The following SLC8A3 variants were observed in gnomAD, a reference collection of about 807,000 sequenced individuals.
SLC8A3 encodes sodium/calcium exchanger 3.
SLC8A3 carries 37 observed loss-of-function variants against 65.4 expected under a neutral mutation model. That is an observed-to-expected ratio of 0.57 (90% CI 0.44 to 0.74). The LOEUF (loss-of-function observed/expected upper bound fraction) is 0.74. Among genes scored for constraint, SLC8A3 ranks in the 30% least tolerant of loss-of-function variants. The pLI, the probability that SLC8A3 is intolerant of heterozygous loss-of-function variation, is 0.00. For synonymous variants in SLC8A3, 461 were observed against 444.5 expected, an observed-to-expected ratio of 1.04 and a Z score of -0.47; for missense variants, 1,112 against 1,172.1, an observed-to-expected ratio of 0.95 and a Z score of 0.75.
chr14:70,151,270 A>T (rs1406879044), intron 2 of SLC8A3, among the ~76,000 whole-genome samples: 1 of 152,160 alleles, frequency 6.6e-6, no homozygotes, highest in Non-Finnish European at 1.5e-5. Context: ...AGAAAAAAAA[A>T]AAAAAAGAAC....
intron 2 of SLC8A3, among the ~76,000 whole-genome samples, chr14:70,122,747 C>G (rs1894161913): frequency 6.6e-6 from 1 of 152,068 alleles, no homozygotes; most frequent in Non-Finnish European, 1.5e-5. Context: ...CTCATAAGAA[C>G]CTGTGATTTC....
chr14:70,084,664 G>T (rs971318490), intron 2 of SLC8A3, among the ~76,000 whole-genome samples: 1 of 152,192 alleles, frequency 6.6e-6, no homozygotes, highest in South Asian at 2.1e-4. Flanking sequence ...TAAGAGAAGG[G>T]AAAATTGAAT....
chr14:70,100,271 C>T (rs1040050297), intron 2 of SLC8A3, among the ~76,000 whole-genome samples: 1 of 152,176 alleles, frequency 6.6e-6, no homozygotes, highest in African/African-American at 2.4e-5. Context: ...TGTGGTCAGA[C>T]ATTCAGATGG....
chr14:70,152,349 A>G (rs779153786), intron 2 of SLC8A3, among the ~76,000 whole-genome samples: 5 of 152,182 alleles, frequency 3.3e-5, no homozygotes, highest in Non-Finnish European at 5.9e-5. Context: ...AGAAATCTTA[A>G]CCAGAGAAAT....
intron 2 of SLC8A3, among the ~76,000 whole-genome samples, chr14:70,097,196 A>G (rs796838657): frequency 6.6e-5 from 10 of 152,202 alleles, no homozygotes; most frequent in African/African-American, 2.4e-4. Context: ...AAGAAGGGCA[A>G]TGCAACAGAG....
chr14:70,161,699 T>A (rs1046043007), intron 2 of SLC8A3, among the ~76,000 whole-genome samples: 23 of 152,148 alleles, frequency 1.5e-4, no homozygotes, highest in African/African-American at 7.2e-5. Flanking sequence ...AGGCAAATCA[T>A]CTCCCTCTGT....
At chr14:70,071,826 G>T (rs1890040285) in intron 2 of SLC8A3, among the ~76,000 whole-genome samples, 1 of 152,192 alleles carries the variant, frequency 6.6e-6, no homozygotes, top group African/African-American at 2.4e-5. Flanking sequence ...TTTTATGGAG[G>T]CAGGAACCTG....
intron 3 of SLC8A3, chr14:70,059,322 A>C (rs1375092511): frequency 1.3e-5 from 2 of 152,194 alleles, no homozygotes; most frequent in African/African-American, 2.4e-5. Context: ...TCGTGTGGAA[A>C]GTTTTATGCT....
chr14:70,178,115 C>T (rs1415247976), intron 1 of SLC8A3, among the ~76,000 whole-genome samples: 1 of 152,198 alleles, frequency 6.6e-6, no homozygotes, highest in Non-Finnish European at 1.5e-5. Flanking sequence ...CCTCCACTGG[C>T]CCTGCAAAGT....
In SLC8A3 at chr14:70,168,159, G is replaced by A. The variant is rs778645024; in HGVS notation, c.264C>T (p.Phe88=). 1.9e-6 allele frequency: 3 copies of A among 1,613,996 alleles called. No individual in the cohort carries two copies. Among genetic ancestry groups the A allele is most frequent in the Middle Eastern group, 1.6e-4 (1 of 6,082 alleles). The stretch of plus-strand genomic sequence containing the variant: ...GGTCAGCAATGATGGACACCCCAAG[G>A]AACATGTATATCAGGGCCACAAAAT... ...IVYFVALIYM[F]LGVSIIADRF... Residue 88 remains phenylalanine (F), a synonymous_variant, in exon 2 of 7, where the codon TTC becomes TTT. Transcript: ENST00000356921.
chr14:70,087,352 A>G (rs1891509483), intron 2 of SLC8A3, among the ~76,000 whole-genome samples: 1 of 152,218 alleles, frequency 6.6e-6, no homozygotes, highest in African/African-American at 2.4e-5. Flanking sequence ...ACTTCCATTT[A>G]TCTTCTCAAA....
intron 2 of SLC8A3, among the ~76,000 whole-genome samples, chr14:70,099,141 C>A (rs1003253557): frequency 6.6e-6 from 1 of 152,148 alleles, no homozygotes; most frequent in African/African-American, 2.4e-5. Context: ...ATTGCAATTG[C>A]ACTAATTTTT....
intron 1 of SLC8A3, among the ~76,000 whole-genome samples, chr14:70,176,472 T>C (rs1388723653): frequency 6.6e-6 from 1 of 152,224 alleles, no homozygotes; most frequent in Non-Finnish European, 1.5e-5. Flanking sequence ...AGTTCTTTTA[T>C]TGATTTTAAG....
intron 2 of SLC8A3, among the ~76,000 whole-genome samples, chr14:70,109,585 G>T (rs1893137043): frequency 6.6e-6 from 1 of 151,906 alleles, no homozygotes. Context: ...CTCCCAAGGA[G>T]CTGAGACTAC....
At chr14:70,078,198 G>A (rs926093114) in intron 2 of SLC8A3, among the ~76,000 whole-genome samples, 4 of 152,166 alleles carry the variant, frequency 2.6e-5, no homozygotes, top group African/African-American at 9.7e-5. Context: ...ATAAAAGAAA[G>A]CATAACAATA....
chr14:70,185,276 CTTTT>C (rs1883103694), intron 1 of SLC8A3, among the ~76,000 whole-genome samples: 1 of 152,190 alleles, frequency 6.6e-6, no homozygotes, highest in South Asian at 2.1e-4. Flanking sequence ...CTATTCCTTT[CTTTT>C]TATCTAATCT....
chr14:70,143,092 A>C (rs1895681393), intron 2 of SLC8A3, among the ~76,000 whole-genome samples: 1 of 152,150 alleles, frequency 6.6e-6, no homozygotes, highest in South Asian at 2.1e-4. Context: ...CCCTTAAATG[A>C]GCGCTGTTGG....
intron 2 of SLC8A3, among the ~76,000 whole-genome samples, chr14:70,131,725 A>G (rs900388241): frequency 2.0e-5 from 3 of 152,264 alleles, no homozygotes; most frequent in African/African-American, 4.8e-5. Flanking sequence ...GTCAGAGTCT[A>G]TAAGTGTTTA....
chr14:70,153,175 G>C (rs964851982), intron 2 of SLC8A3, among the ~76,000 whole-genome samples: 33 of 152,316 alleles, frequency 2.2e-4, no homozygotes, highest in African/African-American at 7.5e-4. Flanking sequence ...CCCTGGGCTT[G>C]CTGCAACCTG....
Sources: gnomAD v4.1 joint callset for allele counts (sites outside exome capture counted in the v4.1 genomes callset) on GRCh38, gnomAD v4.1.1 for gene constraint, MANE v1.5 for transcripts, NCBI Gene and HGNC (gene_info 2026-07-23, HGNC 2026-07-21) for gene names.